The following NPSR1 variants were observed in gnomAD, a reference collection of about 807,000 sequenced individuals.
The protein encoded by NPSR1 is neuropeptide S receptor.
In NPSR1, 48 loss-of-function variants were observed where a neutral mutation model predicts 46.9. The ratio of observed to expected loss-of-function variants is 1.02; its 90% CI spans 0.81 to 1.30. The LOEUF is 1.30. Ranked by LOEUF, NPSR1 falls within the 50% of genes most tolerant of loss-of-function variation. NPSR1 has a pLI of 0.00. For missense variants in NPSR1, 450 were observed against 449.5 expected, an observed-to-expected ratio of 1.00 and a Z score of -0.01; for synonymous variants, 176 against 168.1, an observed-to-expected ratio of 1.05 and a Z score of -0.36.
At chr7:34,827,785 T>C (rs1789932755) in intron 5 of NPSR1, among the ~76,000 whole-genome samples, 183 bp downstream of exon 5, 1 of 152,044 alleles carries the variant, frequency 6.6e-6, no homozygotes, top group Non-Finnish European at 1.5e-5. Context: ...CAAAGTAGAG[T>C]AAGGAGAAGG....
intron 8 of NPSR1, among the ~76,000 whole-genome samples, chr7:34,862,344 A>C (rs897519280): frequency 6.6e-6 from 1 of 151,744 alleles, no homozygotes; most frequent in African/African-American, 2.4e-5. Context: ...GCTCACCCCC[A>C]GAGTCCCAGA....
chr7:34,768,064 ACT>A (rs1786513690), intron 2 of NPSR1, among the ~76,000 whole-genome samples: 1 of 152,146 alleles, frequency 6.6e-6, no homozygotes, highest in Non-Finnish European at 1.5e-5. Context: ...TGCCAGTTAT[ACT>A]CTGATAACTA....
intron 2 of NPSR1, among the ~76,000 whole-genome samples, chr7:34,718,178 T>C (rs1783668606): frequency 6.6e-6 from 1 of 152,228 alleles, no homozygotes; most frequent in Admixed American, 6.5e-5. Context: ...TATAAATTCA[T>C]TGTAAATAAC....
chr7:34,781,386 A>G (rs1266505435), intron 3 of NPSR1, among the ~76,000 whole-genome samples: 19 of 152,314 alleles, frequency 1.2e-4, no homozygotes, highest in Admixed American at 1.1e-3. Flanking sequence ...TCAAGGGCCC[A>G]TTAAAGAATT....
At chr7:34,864,337 G>T (rs758157371) in intron 8 of NPSR1, among the ~76,000 whole-genome samples, 1 of 149,432 alleles carries the variant, frequency 6.7e-6, no homozygotes, top group African/African-American at 2.5e-5. Flanking sequence ...AAACCTGCAC[G>T]TTCTGCACAT....
intron 1 of NPSR1, among the ~76,000 whole-genome samples, chr7:34,668,881 G>A (rs1458541): frequency 0.12 from 17,842 of 152,106 alleles, 1,210 homozygotes; most frequent in African/African-American, 0.18. Context: ...TGGTATCAGT[G>A]GAGCAGAGAA....
intron 2 of NPSR1, among the ~76,000 whole-genome samples, chr7:34,761,775 T>A (rs1330059387): frequency 1.3e-5 from 2 of 152,210 alleles, no homozygotes; most frequent in Non-Finnish European, 2.9e-5. Context: ...GTTGTCTATG[T>A]CTTATATTCA....
intron 2 of NPSR1, among the ~76,000 whole-genome samples, chr7:34,757,304 T>C (rs1369829469): frequency 6.6e-6 from 1 of 152,216 alleles, no homozygotes; most frequent in African/African-American, 2.4e-5. Flanking sequence ...TTACTTTTAG[T>C]AGCAAAAACA....
rs377422601 is a variant in NPSR1, at chr7:34,839,904, C to T, written c.758-4992C>T. ...GCGTCCCTTAGGCAGATCTTAGTCA[C>T]ATGACTACACACTGCTGGAAGGCAG... On this transcript the variant is annotated intron_variant, in intron 6 of 8. Coordinates refer to ENST00000360581, the MANE Select transcript of NPSR1 (RefSeq NM_207172.2). Among the ~76,000 whole-genome samples, 3 of 152,220 alleles carry T rather than the reference C, an allele frequency of 2.0e-5. No homozygotes were observed. In the East Asian group the frequency reaches 5.8e-4, roughly 30 times the overall value.
At chr7:34,844,493 C>A (rs980443162) in intron 6 of NPSR1, among the ~76,000 whole-genome samples, 1 of 151,722 alleles carries the variant, frequency 6.6e-6, no homozygotes, top group Non-Finnish European at 1.5e-5. Context: ...TCTGGGGCAA[C>A]CATTTTAGAA....
chr7:34,847,080 T>G (rs1439977220), intron 7 of NPSR1, among the ~76,000 whole-genome samples: 1 of 152,144 alleles, frequency 6.6e-6, no homozygotes, highest in Non-Finnish European at 1.5e-5. Flanking sequence ...TCCAGAACAC[T>G]TAGTGGGTTT....
chr7:34,742,397 C>T (rs1217548746), intron 2 of NPSR1, among the ~76,000 whole-genome samples: 3 of 152,196 alleles, frequency 2.0e-5, no homozygotes, highest in Non-Finnish European at 4.4e-5. Context: ...TTAGCTCACA[C>T]TTGTAAGTGG....
intron 2 of NPSR1, among the ~76,000 whole-genome samples, chr7:34,738,053 C>T (rs776113180): frequency 4.6e-5 from 7 of 151,962 alleles, no homozygotes; most frequent in Non-Finnish European, 7.4e-5. Flanking sequence ...TGTTTTTGAA[C>T]GAAAGGATAA....
chr7:34,844,281 C>T (rs572048314), intron 6 of NPSR1, among the ~76,000 whole-genome samples: 10 of 152,064 alleles, frequency 6.6e-5, no homozygotes, highest in South Asian at 2.1e-4. Flanking sequence ...TACAGGAGTG[C>T]GAAAAACAAA....
At chr7:34,681,417 C>T (rs1478302260) in intron 1 of NPSR1, among the ~76,000 whole-genome samples, 2 of 152,196 alleles carry the variant, frequency 1.3e-5, no homozygotes, top group Non-Finnish European at 2.9e-5. Flanking sequence ...CACCCTTCAC[C>T]CTACATCCAT....
At chr7:34,783,395 C>T (rs1399982338) in intron 3 of NPSR1, among the ~76,000 whole-genome samples, 1 of 152,008 alleles carries the variant, frequency 6.6e-6, no homozygotes, top group African/African-American at 2.4e-5. Flanking sequence ...CTCATGAGAA[C>T]TTACTATCAT....
At chr7:34,822,080 A>C (rs1056769879) in intron 4 of NPSR1, among the ~76,000 whole-genome samples, 10 of 152,180 alleles carry the variant, frequency 6.6e-5, no homozygotes, top group African/African-American at 1.7e-4. Flanking sequence ...TGTATAATGT[A>C]TAATTCAGCC....
intron 8 of NPSR1, chr7:34,877,957 C>T (rs13229970): frequency 7.0e-5 from 41 of 589,542 alleles, no homozygotes; most frequent in Admixed American, 1.8e-4. Flanking sequence ...AGAACCGAGG[C>T]GGGAGGTAGA....
rs547458069 is a variant in NPSR1, at chr7:34,763,127, A to T, written c.281-15335A>T. On this transcript the variant is annotated intron_variant, in intron 2 of 8. Coordinates refer to ENST00000360581, the MANE Select transcript of NPSR1 (RefSeq NM_207172.2). ...ATCTTGCCAGGCACTATGAAAAAAG[A>T]TAAAACTATAAACATGAGCAAGGCA... Among the ~76,000 whole-genome samples, 13 of 152,356 alleles carry T rather than the reference A, an allele frequency of 8.5e-5. No homozygotes were observed. The South Asian group carries it at 2.7e-3, about 32-fold the overall frequency.
Sources: allele counts gnomAD v4.1 joint callset (sites outside exome capture counted in the v4.1 genomes callset), GRCh38; gene constraint gnomAD v4.1.1; transcripts MANE v1.5; gene names NCBI Gene and HGNC (gene_info 2026-07-23, HGNC 2026-07-21).